SBF2: variants seen among roughly 807,000 people sequenced by gnomAD.
The protein encoded by SBF2 is myotubularin-related protein 13.
Under a neutral mutation model 225.2 loss-of-function variants are expected in SBF2, and 112 were observed. That is an observed-to-expected ratio of 0.50 (90% CI 0.43 to 0.58). The LOEUF is 0.58. SBF2 is among the 20% of genes least tolerant of loss of function. The pLI is 0.00. For missense variants in SBF2, 1,996 were observed against 2,206.2 expected, an observed-to-expected ratio of 0.90 and a Z score of 1.91; for synonymous variants, 763 against 773.3, an observed-to-expected ratio of 0.99 and a Z score of 0.22.
chr11:10,068,284 C>T (rs1481319600), intron 2 of SBF2, among the ~76,000 whole-genome samples: 2 of 152,318 alleles, frequency 1.3e-5, no homozygotes, highest in Admixed American at 6.5e-5. Context: ...ACAACTCACC[C>T]TTTCCTGAAT....
At chr11:9,781,676 GA>G (rs749438720) in intron 38 of SBF2, 38 bp from the exon 39 acceptor site, 1 of 1,613,378 alleles carries the variant, frequency 6.2e-7, no homozygotes, top group African/African-American at 1.3e-5. Context: ...ATAAGAGACA[GA>G]AAGAGAAAAT....
At chr11:9,900,085 C>T (rs1024642439) in intron 16 of SBF2, among the ~76,000 whole-genome samples, 11 of 147,756 alleles carry the variant, frequency 7.4e-5, no homozygotes, top group Non-Finnish European at 1.3e-4. Context: ...TAAACTGTGA[C>T]TCCATGAAGG....
intron 33 of SBF2, among the ~76,000 whole-genome samples, chr11:9,793,014 G>A (rs7102676): frequency 1.9e-3 from 275 of 148,362 alleles, no homozygotes; most frequent in African/African-American, 6.4e-3. Context: ...TGGGGCTCAA[G>A]CAAGCCGCCC....
chr11:9,959,866 G>A lies in SBF2; in HGVS notation c.1860+2091C>T, dbSNP rs957049956. The A allele has an allele frequency of 8.2e-6, 4 of 486,058 alleles. No homozygotes were observed. In the Admixed American group the frequency reaches 8.8e-5, roughly 11 times the overall value. The allele number at this position is 486,058 out of a possible 1,614,324, so 30.1% of individuals were successfully genotyped here. On this transcript the variant is annotated intron_variant, in intron 16 of 39. Transcript: ENST00000256190. ...AGTGAGGAGAGGAGAGAGGAGGGGA[G>A]GCCACTGTGCGCTCAGAAACTCTGC...
intron 17 of SBF2, among the ~76,000 whole-genome samples, chr11:9,863,927 C>T (rs1422939925): frequency 6.6e-6 from 1 of 152,124 alleles, no homozygotes; most frequent in African/African-American, 2.4e-5. Context: ...AGTTATATTG[C>T]AGGTTTTATT....
chr11:9,931,762 A>T (rs1864515103), intron 16 of SBF2, among the ~76,000 whole-genome samples: 1 of 152,212 alleles, frequency 6.6e-6, no homozygotes, highest in Non-Finnish European at 1.5e-5. Context: ...AATGGAACAA[A>T]GCTGGATGGA....
At chr11:9,881,887 C>T (rs1859791596) in intron 17 of SBF2, among the ~76,000 whole-genome samples, 1 of 152,126 alleles carries the variant, frequency 6.6e-6, no homozygotes, top group Non-Finnish European at 1.5e-5. Flanking sequence ...ACTAAAGAGG[C>T]TGAGGTAGCA....
Position 9,812,672 on chromosome 11 carries a change from C to T in SBF2, c.4015G>A (p.Val1339Ile), listed in dbSNP as rs1854255078. The stretch of plus-strand genomic sequence containing the variant: ...CGGATTTCATGAAATTCAACAGGAA[C>T]AAACTCACAATTTAAAGCAAATTCT... ...KVEFALNCEF[V>I]PVEFHEIRQV... The change falls in exon 30 of 40, where the codon GTT (valine) becomes ATT (isoleucine). Residue 1339 changes from valine to isoleucine, a missense_variant. Coordinates refer to ENST00000256190, the MANE Select transcript of SBF2 (RefSeq NM_030962.4). The T allele has an allele frequency of 6.2e-7, 1 of 1,614,156 alleles. No homozygotes were observed. Among genetic ancestry groups the T allele is most frequent in the Non-Finnish European group, 8.5e-7 (1 of 1,180,020 alleles).
intron 1 of SBF2, among the ~76,000 whole-genome samples, chr11:10,249,361 T>C (rs1320812706): frequency 6.6e-6 from 1 of 152,146 alleles, no homozygotes; most frequent in Non-Finnish European, 1.5e-5. Flanking sequence ...AATAATCTAC[T>C]AATGTAAGAG....
At chr11:10,169,378 CTCTCTA>C (rs1332523686) in intron 2 of SBF2, among the ~76,000 whole-genome samples, 1 of 152,138 alleles carries the variant, frequency 6.6e-6, no homozygotes, top group East Asian at 1.9e-4. Flanking sequence ...TCTTCTCTCT[CTCTCTA>C]TGAGATCAAT....
chr11:10,219,609 T>C (rs1228719526), intron 1 of SBF2, among the ~76,000 whole-genome samples: 1 of 152,220 alleles, frequency 6.6e-6, no homozygotes, highest in African/African-American at 2.4e-5. Context: ...ATTGTCAGGC[T>C]GCAAAATTTC....
chr11:10,163,108 G>A (rs1411844086), intron 2 of SBF2, among the ~76,000 whole-genome samples: 1 of 152,128 alleles, frequency 6.6e-6, no homozygotes, highest in African/African-American at 2.4e-5. Flanking sequence ...AGGTCTAGTA[G>A]GAGAAAAATA....
intron 2 of SBF2, among the ~76,000 whole-genome samples, chr11:10,103,314 C>A (rs1419873473): frequency 6.6e-6 from 1 of 151,794 alleles, no homozygotes; most frequent in Non-Finnish European, 1.5e-5. Flanking sequence ...CTCTAAAGAC[C>A]AAAAACGACA....
chr11:10,070,509 T>G (rs1371123027), intron 2 of SBF2, among the ~76,000 whole-genome samples: 3 of 152,206 alleles, frequency 2.0e-5, no homozygotes, highest in African/African-American at 7.2e-5. Context: ...TTCTGTTCCA[T>G]TGGTGTATAT....
Position 9,878,147 on chromosome 11 carries a change from A to G in SBF2, c.1929+17796T>C, listed in dbSNP as rs184344393. Among the ~76,000 whole-genome samples the G allele has an allele frequency of 5.1e-3, 769 of 152,244 alleles. 6 individuals are homozygous for G. Among genetic ancestry groups the G allele is most frequent in the Non-Finnish European group, 4.5e-3 (304 of 68,000 alleles). ...TTGATTTGCATTTCTCTGATGACCAATGATGATGAGCATTTTTTCATGTGT... is the reference window on the plus strand; with the variant it reads ...TTGATTTGCATTTCTCTGATGACCAGTGATGATGAGCATTTTTTCATGTGT... On this transcript the variant is annotated intron_variant, in intron 17 of 39. Coordinates refer to ENST00000256190, the MANE Select transcript of SBF2 (RefSeq NM_030962.4).
At chr11:10,174,755 C>T (rs573671271) in intron 2 of SBF2, among the ~76,000 whole-genome samples, 12 of 152,176 alleles carry the variant, frequency 7.9e-5, no homozygotes, top group Middle Eastern at 6.8e-3. Context: ...GAAGGGCAGC[C>T]AGAGAGAAAG....
At chr11:9,874,752 G>C (rs576760731) in intron 17 of SBF2, among the ~76,000 whole-genome samples, 5 of 152,176 alleles carry the variant, frequency 3.3e-5, no homozygotes, top group African/African-American at 1.2e-4. Flanking sequence ...GCCTTGAAGA[G>C]GCTCTGACTT....
At chr11:9,928,518 G>C (rs1424063674) in intron 16 of SBF2, among the ~76,000 whole-genome samples, 1 of 152,144 alleles carries the variant, frequency 6.6e-6, no homozygotes, top group Non-Finnish European at 1.5e-5. Context: ...AAATGATAGA[G>C]CTGCTTGAAA....
chr11:9,917,814 G>A (rs561197256), intron 16 of SBF2, among the ~76,000 whole-genome samples: 5 of 151,216 alleles, frequency 3.3e-5, no homozygotes, highest in South Asian at 2.1e-4. Context: ...CCATCTGACC[G>A]GACACCTCCA....
Sources: allele counts gnomAD v4.1 joint callset (sites outside exome capture counted in the v4.1 genomes callset), GRCh38; gene constraint gnomAD v4.1.1; transcripts MANE v1.5; gene names NCBI Gene and HGNC (gene_info 2026-07-23, HGNC 2026-07-21).